PPM1G: variants seen among roughly 807,000 people sequenced by gnomAD.
The protein encoded by PPM1G is protein phosphatase 1G.
PPM1G carries 12 observed loss-of-function variants against 59.4 expected under a neutral mutation model. The observed-to-expected ratio is 0.20, with a 90% CI of 0.13 to 0.33. The LOEUF (loss-of-function observed/expected upper bound fraction) is 0.33. Ranked by LOEUF, PPM1G falls within the 10% of genes least tolerant of loss-of-function variation. The pLI, the probability that PPM1G is intolerant of heterozygous loss-of-function variation, is 1.00. For missense variants in PPM1G, 392 were observed against 681.3 expected, an observed-to-expected ratio of 0.58 and a Z score of 4.73; for synonymous variants, 245 against 251.9, an observed-to-expected ratio of 0.97 and a Z score of 0.26.
At position 27,384,525 on chromosome 2, in the gene PPM1G, A is replaced by AGGG; in HGVS notation, c.825+147_825+148insCCC. 1 of 1,007,880 alleles carries AGGG rather than the reference A, an allele frequency of 9.9e-7. No individual in the cohort carries two copies. The allele number at this position is 1,007,880 out of a possible 1,614,324, so 62.4% of individuals were successfully genotyped here. A position where few individuals can be genotyped will look rare whatever the true frequency, so the allele number is the denominator to read the frequency against. On this transcript the variant is annotated intron_variant, in intron 5 of 9. Coordinates refer to ENST00000344034, the MANE Select transcript of PPM1G (RefSeq NM_177983.3). This position sits in a 1 kb window ranked among gnomAD's most constrained non-coding sequence, Gnocchi z 4.8. ...AATGGTACCTGTGATGATGGAGCTC[A>AGGG]ATGAATTCAAGACTAAAGCTTAGAA... is the stretch of plus-strand genomic sequence containing the variant.
At chr2:27,402,274 A>G (rs1263617419) in intron 1 of PPM1G, among the ~76,000 whole-genome samples, 5 of 152,240 alleles carry the variant, frequency 3.3e-5, no homozygotes, top group African/African-American at 1.2e-4. Flanking sequence ...TACAATGTCA[A>G]GAACTACTGA....
chr2:27,409,429 G>T lies in PPM1G; in HGVS notation c.-7C>A. On this transcript the variant is annotated 5_prime_UTR_variant, in exon 1 of 10. Transcript: ENST00000344034. ...GGGAGAGGTAGGCACCCATGGCGGC[G>T]GCTGGCCGGCGGCCTCAGGTGCAGG... 1 of 1,505,898 alleles carries T rather than the reference G, an allele frequency of 6.6e-7. No individual in the cohort carries two copies. Among genetic ancestry groups the T allele is most frequent in the Non-Finnish European group, 8.9e-7 (1 of 1,128,322 alleles). 93.3% of individuals were successfully genotyped at this position (1,505,898 alleles called of 1,614,324 possible).
rs2148419055 is a variant in PPM1G at position 27,386,297 on chromosome 2, A to T, written c.191-18T>A. The stretch of plus-strand genomic sequence containing the variant: ...TTCCTCCCCTAGAAGGAAAGGAAGG[A>T]AGGTCACCTGGAGCACTGCTCCCCA... On this transcript the variant is annotated intron_variant, in intron 2 of 9. Transcript: ENST00000344034. 2 of 1,564,176 alleles carry T rather than the reference A, an allele frequency of 1.3e-6. No individual in the cohort carries two copies. Among genetic ancestry groups the T allele is most frequent in the Middle Eastern group, 3.4e-4 (2 of 5,964 alleles).
At position 27,392,728 on chromosome 2, in the gene PPM1G, G is replaced by A. The variant is rs140629361; in HGVS notation, c.121-5570C>T. 104 of 1,020,674 alleles carry A rather than the reference G, an allele frequency of 1.0e-4. No individual in the cohort carries two copies. In the African/African-American group the frequency reaches 1.1e-3, roughly 11 times the overall value. 63.2% of individuals were successfully genotyped at this position (1,020,674 alleles called of 1,614,324 possible). ...GTAAAGGAAACCCCAACATACATGC[G>A]CTGCCTTGGTGACAAGGTAAGTCAC... On this transcript the variant is annotated intron_variant, in intron 1 of 9. Coordinates refer to ENST00000344034, the MANE Select transcript of PPM1G (RefSeq NM_177983.3).
At chr2:27,391,321 T>C (rs1683895367) in intron 1 of PPM1G, among the ~76,000 whole-genome samples, 1 of 152,002 alleles carries the variant, frequency 6.6e-6, no homozygotes, top group Non-Finnish European at 1.5e-5. Context: ...AGTGTCTGCT[T>C]TCCTCTGCAG....
chr2:27,397,187 G>GA (rs923310740), intron 1 of PPM1G, among the ~76,000 whole-genome samples: 19 of 150,806 alleles, frequency 1.3e-4, no homozygotes, highest in African/African-American at 3.4e-4. Context: ...AATTTTTAAA[G>GA]AAAAAAAAAG....
Position 27,383,715 on chromosome 2 carries a change from C to A in PPM1G, c.967-115G>T. On this transcript the variant is annotated intron_variant, in intron 6 of 9. Transcript: ENST00000344034. The surrounding 1 kb of genome is among the most constrained non-coding windows in gnomAD (Gnocchi z 5.0). ...ACTGGGACCCCCAAAAGAGCTTTAA[C>A]AAACAGGAGAAGCACACATTTCATC... The A allele has an allele frequency of 8.3e-7, 1 of 1,206,972 alleles. No individual in the cohort carries two copies. The highest frequency in any genetic ancestry group is 1.2e-6 in the Non-Finnish European group (1 of 867,438). 74.8% of individuals were successfully genotyped at this position (1,206,972 alleles called of 1,614,324 possible). A position where few individuals can be genotyped will look rare whatever the true frequency, so the allele number is the denominator to read the frequency against.
Position 27,383,620 on chromosome 2 carries a change from G to A in PPM1G, c.967-20C>T, listed in dbSNP as rs1484675395. On this transcript the variant is annotated intron_variant, in intron 6 of 9. Transcript: ENST00000344034. The surrounding 1 kb of genome is among the most constrained non-coding windows in gnomAD (Gnocchi z 5.0). ...GCCAGGCTTAAGAGGAAGAAAAGGA[G>A]CATCATGGGGGCTTCTGAACATGCG... 3 of 1,592,594 alleles carry A rather than the reference G, an allele frequency of 1.9e-6. No homozygotes were observed. The highest frequency in any genetic ancestry group is 2.6e-6 in the Non-Finnish European group (3 of 1,167,420).
At position 27,409,364 on chromosome 2, in the gene PPM1G, G is replaced by A; in HGVS notation, c.59C>T (p.Ala20Val). Residue 20 changes from alanine to valine, a missense_variant, in exon 1 of 10, where the codon GCC (alanine) becomes GTC (valine). Transcript: ENST00000344034. ...TVKCSGDGVG[A>V]PRLPLPYGFS... ...GCCGTAGGGCAGCGGCAGGCGCGGGGCGCCGACCCCGTCCCCGGAGCACTT... is the reference window on the plus strand; with the variant it reads ...GCCGTAGGGCAGCGGCAGGCGCGGGACGCCGACCCCGTCCCCGGAGCACTT... 1 of 1,541,696 alleles carries A rather than the reference G, an allele frequency of 6.5e-7. No homozygotes were observed. Among genetic ancestry groups the A allele is most frequent in the Non-Finnish European group, 8.7e-7 (1 of 1,143,456 alleles).
chr2:27,381,897 G>C lies in PPM1G; in HGVS notation c.1435-92C>G, dbSNP rs1432372290. ...CAAGAGGGCTGGCTTGCTGAGTCAG[G>C]GTGGTAGGAGAGGAATGGGCAAGAG... is the stretch of plus-strand genomic sequence containing the variant. On this transcript the variant is annotated intron_variant, in intron 9 of 9. Transcript: ENST00000344034. The C allele has an allele frequency of 4.4e-6, 6 of 1,349,138 alleles. No homozygotes were observed. The African/African-American group carries it at 8.6e-5, about 19-fold the overall frequency. 83.6% of individuals were successfully genotyped at this position (1,349,138 alleles called of 1,614,324 possible). A position where few individuals can be genotyped will look rare whatever the true frequency, so the allele number is the denominator to read the frequency against.
At chr2:27,399,808 G>T (rs932703289) in intron 1 of PPM1G, among the ~76,000 whole-genome samples, 1 of 152,038 alleles carries the variant, frequency 6.6e-6, no homozygotes, top group Non-Finnish European at 1.5e-5. Context: ...AGCAACTTTG[G>T]AAAACAGTTT....
At chr2:27,397,572 T>C (rs775035494) in intron 1 of PPM1G, among the ~76,000 whole-genome samples, 4 of 152,116 alleles carry the variant, frequency 2.6e-5, no homozygotes, top group Non-Finnish European at 5.9e-5. Context: ...AGCGTATCGG[T>C]AGACTAAAGA....
At chr2:27,404,116 ATCTT>A (rs147121989) in intron 1 of PPM1G, among the ~76,000 whole-genome samples, 3,271 of 152,246 alleles carry the variant, frequency 0.021, 116 homozygotes, top group African/African-American at 0.075. Context: ...GCTCAATACT[ATCTT>A]TATAGTCAAT....
In PPM1G at chr2:27,381,613, C is replaced by CCTT. The variant is rs756332441; in HGVS notation, c.1624_1626dup (p.Lys542dup). 8.7e-6 allele frequency: 14 copies of CCTT among 1,613,954 alleles called. No individual in the cohort carries two copies. Among genetic ancestry groups the CCTT allele is most frequent in the Non-Finnish European group, 9.3e-6 (11 of 1,180,026 alleles). On this transcript the variant is annotated inframe_insertion, in exon 10 of 10. Transcript: ENST00000344034. ...CTGGATGACTGCTAGTCTCGCTTGG[C>CCTT]CTTCTTCTTCTTGTCGCTGTTGCCA...
At chr2:27,402,846 AAATAAAT>A (rs1684217233) in intron 1 of PPM1G, among the ~76,000 whole-genome samples, 2 of 117,168 alleles carry the variant, frequency 1.7e-5, no homozygotes, top group African/African-American at 6.8e-5. Flanking sequence ...ATAAATAAAT[AAATAAAT>A]AAAATAAACA....
chr2:27,402,902 C>G (rs1326875235), intron 1 of PPM1G, among the ~76,000 whole-genome samples: 1 of 140,886 alleles, frequency 7.1e-6, no homozygotes, highest in African/African-American at 2.7e-5. Context: ...CTGCAAGGCC[C>G]TATCTCTACA....
At chr2:27,396,256 A>G (rs1393373508) in intron 1 of PPM1G, among the ~76,000 whole-genome samples, 1 of 152,200 alleles carries the variant, frequency 6.6e-6, no homozygotes, top group Non-Finnish European at 1.5e-5. Flanking sequence ...TGGGCGACAG[A>G]GCAGGACTCC....
At chr2:27,400,901 G>C (rs61536544) in intron 1 of PPM1G, among the ~76,000 whole-genome samples, 2 of 152,158 alleles carry the variant, frequency 1.3e-5, no homozygotes, top group Admixed American at 6.5e-5. Flanking sequence ...GAACCATCCT[G>C]CTGGTATCCA....
chr2:27,402,853 T>A (rs960057560), intron 1 of PPM1G, among the ~76,000 whole-genome samples: 15 of 119,744 alleles, frequency 1.3e-4, no homozygotes, highest in South Asian at 2.6e-4. Context: ...AATAAATAAA[T>A]AAAATAAACA....
Sources: gnomAD v4.1 joint callset for allele counts (sites outside exome capture counted in the v4.1 genomes callset) on GRCh38, gnomAD v4.1.1 for gene constraint, Gnocchi (gnomAD v3.1) non-coding constraint, MANE v1.5 for transcripts, NCBI Gene and HGNC (gene_info 2026-07-23, HGNC 2026-07-21) for gene names.